MAP2K5: variants seen among roughly 807,000 people sequenced by gnomAD.
MAP2K5 encodes the protein mitogen-activated protein kinase kinase 5.
A neutral mutation model predicts 83.1 loss-of-function variants in MAP2K5; 49 were observed. The ratio of observed to expected loss-of-function variants is 0.59; its 90% confidence interval spans 0.47 to 0.75. MAP2K5 has a LOEUF of 0.75. Ranked by LOEUF, MAP2K5 falls within the 30% of genes least tolerant of loss-of-function variation. MAP2K5 has a pLI of 0.00. For synonymous variants in MAP2K5, 202 were observed against 191.8 expected, an observed-to-expected ratio of 1.05 and a Z score of -0.44; for missense variants, 457 against 557.5, an observed-to-expected ratio of 0.82 and a Z score of 1.82.
chr15:67,788,307 A>T (rs1481375380), intron 21 of MAP2K5, among the ~76,000 whole-genome samples: 1 of 152,222 alleles, frequency 6.6e-6, no homozygotes, highest in Non-Finnish European at 1.5e-5. Context: ...TCAGCCAGTC[A>T]GCAGCCTTTT....
At chr15:67,599,605 A>AT (rs1212083923) in intron 7 of MAP2K5, among the ~76,000 whole-genome samples, 2 of 150,862 alleles carry the variant, frequency 1.3e-5, no homozygotes, top group Non-Finnish European at 3.0e-5. Context: ...AGAGCAAACT[A>AT]TTTTTTTTCC....
In MAP2K5 at chr15:67,801,611, A is replaced by G. The variant is rs1215223023; in HGVS notation, c.1243-5035A>G. 3.3e-5 allele frequency among the ~76,000 whole-genome samples: 5 copies of G among 152,220 alleles called. No individual in the cohort carries two copies. In the South Asian group the frequency reaches 8.3e-4, roughly 25 times the overall value. On this transcript the variant is annotated intron_variant, in intron 21 of 21. Transcript: ENST00000178640. This position sits in a 1 kb window ranked among gnomAD's most constrained non-coding sequence, Gnocchi z 4.8. ...AAACTCTAACTCTGCCACTTTCTCC[A>G]TGACCTTGCCACATAATATCAAGCT...
rs1011727846 is a variant in MAP2K5 at position 67,786,803 on chromosome 15, A to G, written c.1242+14051A>G. 1.3e-5 allele frequency among the ~76,000 whole-genome samples: 2 copies of G among 152,252 alleles called. No individual in the cohort carries two copies. The highest frequency in any genetic ancestry group is 2.4e-5 in the African/African-American group (1 of 41,464). Reference sequence around the variant, plus strand: ...AGCATGAAATTTAAGTGAGATAAAAATGTTAGACACTTAGCACAGTGTCTG... The same window carrying G: ...AGCATGAAATTTAAGTGAGATAAAAGTGTTAGACACTTAGCACAGTGTCTG... On this transcript the variant is annotated intron_variant, in intron 21 of 21. Transcript: ENST00000178640. This position sits in a 1 kb window ranked among gnomAD's most constrained non-coding sequence, Gnocchi z 4.7.
chr15:67,780,755 G>T lies in MAP2K5; in HGVS notation c.1242+8003G>T, dbSNP rs958914054. ...TTCTAGGATGTTCCAATATTTGCAGGGATAATATTCAAAACATTTAACAAC... is the reference window on the plus strand; with the variant it reads ...TTCTAGGATGTTCCAATATTTGCAGTGATAATATTCAAAACATTTAACAAC... On this transcript the variant is annotated intron_variant, in intron 21 of 21. Transcript: ENST00000178640. This position sits in a 1 kb window ranked among gnomAD's most constrained non-coding sequence, Gnocchi z 5.0. 6.6e-6 allele frequency among the ~76,000 whole-genome samples: 1 copy of T among 152,126 alleles called. No individual in the cohort carries two copies. Among genetic ancestry groups the T allele is most frequent in the Non-Finnish European group, 1.5e-5 (1 of 68,030 alleles).
chr15:67,789,900 G>C (rs1050113824), intron 21 of MAP2K5, among the ~76,000 whole-genome samples: 2 of 152,018 alleles, frequency 1.3e-5, no homozygotes, highest in African/African-American at 2.4e-5. Context: ...GACAGTGAAG[G>C]GGGTGGACAC....
intron 21 of MAP2K5, among the ~76,000 whole-genome samples, chr15:67,792,432 A>G (rs1482372427): frequency 6.6e-6 from 1 of 152,154 alleles, no homozygotes; most frequent in Non-Finnish European, 1.5e-5. Context: ...GTTGCTCTGT[A>G]TCAAGAAAAC....
chr15:67,692,614 C>A, intron 14 of MAP2K5, 62 bp downstream of exon 14: 1 of 1,320,916 alleles, frequency 7.6e-7, no homozygotes. Context: ...TATTTTCATT[C>A]TGTTCTCTGG....
chr15:67,634,389 A>T (rs972197722), intron 9 of MAP2K5, among the ~76,000 whole-genome samples: 27 of 102,756 alleles, frequency 2.6e-4, no homozygotes, highest in Non-Finnish European at 5.1e-4. Flanking sequence ...AAAAAAAAAA[A>T]AAAAAAAAAA....
At chr15:67,744,511 G>A (rs2089561740) in intron 17 of MAP2K5, among the ~76,000 whole-genome samples, 1 of 152,220 alleles carries the variant, frequency 6.6e-6, no homozygotes, top group Admixed American at 6.5e-5. Context: ...TGCAGGGCAA[G>A]CCATAATTTC....
Position 67,786,055 on chromosome 15 carries a change from G to C in MAP2K5, c.1242+13303G>C, listed in dbSNP as rs912513783. Among the ~76,000 whole-genome samples the C allele has an allele frequency of 5.9e-5, 9 of 151,330 alleles. No homozygotes were observed. The highest frequency in any genetic ancestry group is 8.8e-5 in the Non-Finnish European group (6 of 67,896). On this transcript the variant is annotated intron_variant, in intron 21 of 21. Transcript: ENST00000178640. The surrounding 1 kb of genome is among the most constrained non-coding windows in gnomAD (Gnocchi z 4.7). ...TTAACTTACAGAAGATGGAGGTTATGAAAGTGTTTGTAAACTATGAAGTGC... is the reference window on the plus strand; with the variant it reads ...TTAACTTACAGAAGATGGAGGTTATCAAAGTGTTTGTAAACTATGAAGTGC...
At chr15:67,635,167 AC>A (rs1420689289) in intron 9 of MAP2K5, among the ~76,000 whole-genome samples, 1 of 146,950 alleles carries the variant, frequency 6.8e-6, no homozygotes, top group Non-Finnish European at 1.5e-5. Context: ...CATTGTCACT[AC>A]TTTTGCTTTA....
intron 8 of MAP2K5, among the ~76,000 whole-genome samples, chr15:67,623,210 A>G (rs1249762991): frequency 6.6e-6 from 1 of 152,190 alleles, no homozygotes; most frequent in Non-Finnish European, 1.5e-5. Flanking sequence ...CCTTCTCATG[A>G]TTGTTTAGTG....
At chr15:67,666,854 G>A (rs1465984842) in intron 13 of MAP2K5, among the ~76,000 whole-genome samples, 1 of 152,176 alleles carries the variant, frequency 6.6e-6, no homozygotes, top group Non-Finnish European at 1.5e-5. Context: ...GAATGAGTGT[G>A]CACCTACATC....
intron 12 of MAP2K5, 93 bp downstream of exon 12, chr15:67,658,707 C>A: frequency 8.7e-7 from 1 of 1,145,570 alleles, no homozygotes; most frequent in Non-Finnish European, 1.3e-6. Context: ...TTTTCTTGTT[C>A]TTCAATCCCA....
chr15:67,717,558 C>A lies in MAP2K5; in HGVS notation c.1045-10358C>A, dbSNP rs2088857158. On this transcript the variant is annotated intron_variant, in intron 16 of 21. Transcript: ENST00000178640. This position sits in a 1 kb window ranked among gnomAD's most constrained non-coding sequence, Gnocchi z 4.1. Reference sequence around the variant, plus strand: ...AAAGCATTTCAGTTATTGATTACTGCTTAATAACCTACCCAAAATTAGTGG... The same window carrying A: ...AAAGCATTTCAGTTATTGATTACTGATTAATAACCTACCCAAAATTAGTGG... Among the ~76,000 whole-genome samples the A allele has an allele frequency of 6.6e-6, 1 of 152,174 alleles. No individual in the cohort carries two copies. The highest frequency in any genetic ancestry group is 2.4e-5 in the African/African-American group (1 of 41,438).
intron 15 of MAP2K5, among the ~76,000 whole-genome samples, chr15:67,696,811 C>T (rs991488018): frequency 2.0e-5 from 3 of 152,146 alleles, no homozygotes; most frequent in Admixed American, 6.5e-5. Context: ...AACCCCATCT[C>T]TACTAAAAAT....
intron 13 of MAP2K5, among the ~76,000 whole-genome samples, chr15:67,678,979 A>G (rs1281770398): frequency 3.3e-5 from 5 of 151,458 alleles, no homozygotes; most frequent in African/African-American, 1.2e-4. Flanking sequence ...AAAAAAAAAA[A>G]AGAACTAATC....
At chr15:67,804,473 G>C (rs1038674985) in intron 21 of MAP2K5, among the ~76,000 whole-genome samples, 1 of 152,210 alleles carries the variant, frequency 6.6e-6, no homozygotes, top group Admixed American at 6.5e-5. Flanking sequence ...AGGAGAGGCC[G>C]GCATCTCCAC....
chr15:67,594,031 C>T (rs1166078052), intron 7 of MAP2K5, among the ~76,000 whole-genome samples: 1 of 152,162 alleles, frequency 6.6e-6, no homozygotes, highest in Non-Finnish European at 1.5e-5. Context: ...GGAGGCCTTG[C>T]TTATTTAGCA....
Sources: gnomAD v4.1 joint callset for allele counts (sites outside exome capture counted in the v4.1 genomes callset) on GRCh38, gnomAD v4.1.1 for gene constraint, Gnocchi (gnomAD v3.1) non-coding constraint, MANE v1.5 for transcripts, NCBI Gene and HGNC (gene_info 2026-07-23, HGNC 2026-07-21) for gene names.